The following DLGAP1 variants were observed in gnomAD, a reference collection of about 807,000 sequenced individuals.
DLGAP1 encodes disks large-associated protein 1.
DLGAP1 carries 11 observed loss-of-function variants against 90.8 expected under a neutral mutation model. The observed-to-expected ratio is 0.12, with a 90% CI of 0.08 to 0.20. The LOEUF is 0.20. Among genes scored for constraint, DLGAP1 ranks in the 10% least tolerant of loss-of-function variants. The pLI, the probability that DLGAP1 is intolerant of heterozygous loss-of-function variation, is 1.00. For missense variants in DLGAP1, 1,050 were observed against 1,333.8 expected (o/e 0.79, Z 3.31); for synonymous variants, 558 against 540.7 (o/e 1.03, Z -0.44).
chr18:3,919,255 C>A (rs1408710553), intron 3 of DLGAP1, among the ~76,000 whole-genome samples: 2 of 152,192 alleles, frequency 1.3e-5, no homozygotes, highest in Non-Finnish European at 1.5e-5. Context: ...TACCTATGGG[C>A]AAATTTGTAA....
chr18:4,416,762 T>C (rs1488606061), intron 1 of DLGAP1, among the ~76,000 whole-genome samples: 1 of 152,214 alleles, frequency 6.6e-6, no homozygotes, highest in East Asian at 1.9e-4. Flanking sequence ...GCTTGCCTGT[T>C]TTCCAACCCA....
chr18:4,041,545 G>A (rs1445411529), intron 2 of DLGAP1, among the ~76,000 whole-genome samples: 1 of 152,112 alleles, frequency 6.6e-6, no homozygotes, highest in Non-Finnish European at 1.5e-5. Context: ...GTATTTTACT[G>A]ATACTCCCGA....
intron 1 of DLGAP1, among the ~76,000 whole-genome samples, chr18:4,207,756 A>C (rs2077752249): frequency 6.6e-6 from 1 of 152,144 alleles, no homozygotes; most frequent in Non-Finnish European, 1.5e-5. Flanking sequence ...ACTGCTATCC[A>C]CCACTGCCTG....
At chr18:3,975,907 C>A (rs1026558909) in intron 3 of DLGAP1, among the ~76,000 whole-genome samples, 6 of 152,004 alleles carry the variant, frequency 3.9e-5, no homozygotes, top group African/African-American at 1.5e-4. Flanking sequence ...ATAGTGGTTA[C>A]CATGGCCTGG....
intron 2 of DLGAP1, among the ~76,000 whole-genome samples, chr18:4,032,290 C>G (rs1568361397): frequency 6.6e-6 from 1 of 152,134 alleles, no homozygotes; most frequent in East Asian, 1.9e-4. Context: ...GGAGATTCAT[C>G]ATGCAACTAC....
chr18:3,659,402 C>T (rs998595796), intron 7 of DLGAP1, among the ~76,000 whole-genome samples: 3 of 134,598 alleles, frequency 2.2e-5, no homozygotes, highest in Admixed American at 7.3e-5. Flanking sequence ...TATACACACA[C>T]ACACACACAC....
In DLGAP1 at chr18:3,565,657, A is replaced by G. The variant is rs113471931; in HGVS notation, c.2057+1833T>C. Among the ~76,000 whole-genome samples the G allele has an allele frequency of 6.6e-6, 1 of 151,774 alleles. No homozygotes were observed. The highest frequency in any genetic ancestry group is 2.4e-5 in the African/African-American group (1 of 41,346). ...CGAAACCATCCTGGCCAACATGGTGAAACCCCGTCTCTCTTAAAAATACAA... is the reference window on the plus strand; with the variant it reads ...CGAAACCATCCTGGCCAACATGGTGGAACCCCGTCTCTCTTAAAAATACAA... On this transcript the variant is annotated intron_variant, in intron 9 of 12. Coordinates refer to ENST00000315677, the MANE Select transcript of DLGAP1 (RefSeq NM_004746.4). This position sits in a 1 kb window ranked among gnomAD's most constrained non-coding sequence, Gnocchi z 4.0.
At chr18:3,784,604 G>A (rs1020148884) in intron 5 of DLGAP1, among the ~76,000 whole-genome samples, 1 of 152,106 alleles carries the variant, frequency 6.6e-6, no homozygotes, top group Non-Finnish European at 1.5e-5. Context: ...GATGACGGCC[G>A]GATCCCTGCC....
intron 5 of DLGAP1, among the ~76,000 whole-genome samples, chr18:3,802,419 C>T (rs529705223): frequency 5.0e-4 from 76 of 152,340 alleles, no homozygotes; most frequent in African/African-American, 1.7e-3. Flanking sequence ...AAAGTCCTCA[C>T]TTTCTATCCA....
chr18:4,247,057 T>G (rs1312859974), intron 1 of DLGAP1, among the ~76,000 whole-genome samples: 3 of 151,072 alleles, frequency 2.0e-5, no homozygotes, highest in Non-Finnish European at 2.9e-5. Flanking sequence ...ATTGGAGGAG[T>G]AGTAGTAGTT....
intron 4 of DLGAP1, among the ~76,000 whole-genome samples, chr18:3,831,391 T>C (rs184219574): frequency 1.3e-5 from 2 of 152,290 alleles, no homozygotes; most frequent in Non-Finnish European, 2.9e-5. Context: ...TGCAGGTTTG[T>C]TGGATCACCA....
chr18:3,964,029 G>A (rs1207348758), intron 3 of DLGAP1, among the ~76,000 whole-genome samples: 1 of 152,012 alleles, frequency 6.6e-6, no homozygotes. Flanking sequence ...TCGTATACGT[G>A]GCTTGGGTTA....
chr18:4,011,430 G>C (rs974902515), intron 2 of DLGAP1, among the ~76,000 whole-genome samples: 1 of 152,122 alleles, frequency 6.6e-6, no homozygotes, highest in Admixed American at 6.6e-5. Flanking sequence ...ATTTCAGACA[G>C]AGCAATAGTA....
rs150300822 is a variant in DLGAP1 at position 3,879,658 on chromosome 18, G to A, written c.411C>T (p.Arg137=). ...AVEHRSDSPG[R]IRHLVHSVQK... is the part of the protein sequence containing the mutation. ...GGACCGAGTGCACCAGGTGGCGGAT[G>A]CGGCCGGGGCTGTCGCTGCGGTGCT... Residue 137 remains arginine (R), a synonymous_variant, in exon 4 of 13, where the codon CGC becomes CGT. Transcript: ENST00000315677. The surrounding 1 kb of genome is among the most constrained non-coding windows in gnomAD (Gnocchi z 6.6). 35 of 1,605,784 alleles carry A rather than the reference G, an allele frequency of 2.2e-5. No individual in the cohort carries two copies. Among genetic ancestry groups the A allele is most frequent in the Non-Finnish European group, 2.5e-5 (29 of 1,179,300 alleles).
chr18:3,939,254 A>G (rs1214961879), intron 3 of DLGAP1, among the ~76,000 whole-genome samples: 6 of 152,000 alleles, frequency 3.9e-5, no homozygotes, highest in Admixed American at 6.6e-5. Context: ...TCCTGTCTCT[A>G]TTAAAAATAC....
intron 4 of DLGAP1, among the ~76,000 whole-genome samples, chr18:3,829,476 A>G (rs1447310577): frequency 6.6e-6 from 1 of 151,866 alleles, no homozygotes; most frequent in Non-Finnish European, 1.5e-5. Flanking sequence ...GGGGAAGGTT[A>G]GTACACTTGG....
chr18:3,755,464 A>C (rs1461391056), intron 5 of DLGAP1, among the ~76,000 whole-genome samples: 1 of 150,728 alleles, frequency 6.6e-6, no homozygotes, highest in Non-Finnish European at 1.5e-5. Context: ...AAAAAACAAA[A>C]AACAACAAAA....
In DLGAP1 at chr18:4,269,354, A is replaced by AT. The variant is rs202021108; in HGVS notation, c.-266-118068dup. Among the ~76,000 whole-genome samples, 1,287 of 132,064 alleles carry AT rather than the reference A, an allele frequency of 9.7e-3. 6 individuals carry two copies. Among genetic ancestry groups the AT allele is most frequent in the African/African-American group, 0.016 (567 of 34,854 alleles). 86.6% of individuals were successfully genotyped at this position (132,064 alleles called of 152,430 possible). A position where few individuals can be genotyped will look rare whatever the true frequency, so the allele number is the denominator to read the frequency against. ...TATACATATATATATATATATATAT[A>AT]TTTTTTTTTTTCTTTTTGAGACGGA... On this transcript the variant is annotated intron_variant, in intron 1 of 12. Coordinates refer to ENST00000315677, the MANE Select transcript of DLGAP1 (RefSeq NM_004746.4).
At chr18:3,579,147 G>C (rs1003794228) in intron 8 of DLGAP1, among the ~76,000 whole-genome samples, 1 of 152,174 alleles carries the variant, frequency 6.6e-6, no homozygotes, top group East Asian at 1.9e-4. Context: ...ACACAGTATA[G>C]TGATGGTCAC....
Sources: allele counts gnomAD v4.1 joint callset (sites outside exome capture counted in the v4.1 genomes callset), GRCh38; gene constraint gnomAD v4.1.1; non-coding constraint Gnocchi (gnomAD v3.1); transcripts MANE v1.5; gene names NCBI Gene and HGNC (gene_info 2026-07-23, HGNC 2026-07-21).